DGKI: variants seen among roughly 807,000 people sequenced by gnomAD.
DGKI encodes diacylglycerol kinase iota.
A neutral mutation model predicts 147.5 loss-of-function variants in DGKI; 55 were observed. That is an observed-to-expected ratio of 0.37 (90% CI 0.30 to 0.47). The LOEUF (loss-of-function observed/expected upper bound fraction) is 0.47, where lower values mean the gene tolerates loss of function less well. Among genes scored for constraint, DGKI ranks in the 20% least tolerant of loss-of-function variants. The pLI, the probability that DGKI is intolerant of heterozygous loss-of-function variation, is 1.00. For synonymous variants in DGKI, 469 were observed against 477.1 expected (o/e 0.98, Z 0.22); for missense variants, 1,007 against 1,323.8 (o/e 0.76, Z 3.71).
chr7:137,788,659 CACACAT>C (rs1274991540), intron 1 of DGKI, among the ~76,000 whole-genome samples: 1,021 of 62,798 alleles, frequency 0.016, 37 homozygotes, highest in Admixed American at 0.1. Context: ...CACACACACA[CACACAT>C]ACACACACAC....
chr7:137,673,781 C>T (rs1256572428), intron 3 of DGKI, among the ~76,000 whole-genome samples: 1 of 152,100 alleles, frequency 6.6e-6, no homozygotes, highest in Non-Finnish European at 1.5e-5. Flanking sequence ...AGTAGGTGCA[C>T]GATGGTATGG....
chr7:137,401,737 G>C (rs1351445172), intron 30 of DGKI, among the ~76,000 whole-genome samples: 6 of 152,020 alleles, frequency 3.9e-5, no homozygotes, highest in African/African-American at 1.4e-4. Flanking sequence ...TCTCTTCCAG[G>C]GTTTACTGAA....
chr7:137,719,131 T>C (rs906243217), intron 1 of DGKI, among the ~76,000 whole-genome samples: 1 of 152,110 alleles, frequency 6.6e-6, no homozygotes, highest in African/African-American at 2.4e-5. Flanking sequence ...TGTCCTAAAA[T>C]GTTTCACAGT....
At chr7:137,801,104 C>T (rs1243584609) in intron 1 of DGKI, among the ~76,000 whole-genome samples, 2 of 152,218 alleles carry the variant, frequency 1.3e-5, no homozygotes, top group African/African-American at 2.4e-5. Context: ...TCTATACTGT[C>T]TAATACAATC....
In DGKI at chr7:137,674,734, C is replaced by A. The variant is rs1032327949; in HGVS notation, c.606+3823G>T. Among the ~76,000 whole-genome samples, 4 of 152,320 alleles carry A rather than the reference C, an allele frequency of 2.6e-5. No homozygotes were observed. The South Asian group carries it at 8.3e-4, about 32-fold the overall frequency. ...AGTCTGCTCATGTTCCTCTTCCCTG[C>A]CCGAAATGTTCTCCTTCTTCAAAAT... On this transcript the variant is annotated intron_variant, in intron 3 of 32. Coordinates refer to ENST00000614521, the MANE Select transcript of DGKI (RefSeq NM_001321708.2).
intron 1 of DGKI, among the ~76,000 whole-genome samples, chr7:137,819,302 A>G (rs1324932453): frequency 6.9e-6 from 1 of 145,868 alleles, no homozygotes; most frequent in Non-Finnish European, 1.5e-5. Context: ...AGAACTTCAG[A>G]CTACAAGGGA....
chr7:137,670,472 G>A (rs1036946285), intron 3 of DGKI, among the ~76,000 whole-genome samples: 14 of 152,170 alleles, frequency 9.2e-5, no homozygotes, highest in Non-Finnish European at 1.6e-4. Flanking sequence ...ACGATCTCAT[G>A]GAAATGCTGA....
intron 1 of DGKI, among the ~76,000 whole-genome samples, chr7:137,823,877 A>T (rs1797976518): frequency 6.6e-6 from 1 of 152,242 alleles, no homozygotes; most frequent in East Asian, 1.9e-4. Context: ...CCATATGAGA[A>T]TAAGTTTTAA....
chr7:137,440,760 T>A (rs1038553958), intron 28 of DGKI, among the ~76,000 whole-genome samples: 1 of 152,212 alleles, frequency 6.6e-6, no homozygotes, highest in African/African-American at 2.4e-5. Context: ...AAGCACTCAA[T>A]ACAATTTAGC....
chr7:137,588,168 A>C (rs549719784), intron 12 of DGKI, among the ~76,000 whole-genome samples: 1 of 152,318 alleles, frequency 6.6e-6, no homozygotes, highest in African/African-American at 2.4e-5. Flanking sequence ...TTTTGCATCA[A>C]ATTTAGAAAA....
At chr7:137,713,400 C>T (rs1309765172) in intron 1 of DGKI, among the ~76,000 whole-genome samples, 1 of 152,124 alleles carries the variant, frequency 6.6e-6, no homozygotes, top group Non-Finnish European at 1.5e-5. Context: ...TTATCAGATA[C>T]ATTGCTGAAA....
At chr7:137,419,092 C>T (rs574203076) in intron 28 of DGKI, among the ~76,000 whole-genome samples, 133 of 152,296 alleles carry the variant, frequency 8.7e-4, no homozygotes, top group Non-Finnish European at 1.2e-3. Flanking sequence ...TTGCCTCCCC[C>T]CTTCCCCAGG....
intron 1 of DGKI, among the ~76,000 whole-genome samples, chr7:137,744,071 C>T (rs996508776): frequency 6.6e-6 from 1 of 150,726 alleles, no homozygotes. Flanking sequence ...ATATTGAGAC[C>T]CAAAAACCAT....
chr7:137,423,291 G>C (rs375376159), intron 28 of DGKI, among the ~76,000 whole-genome samples: 1 of 152,174 alleles, frequency 6.6e-6, no homozygotes. Flanking sequence ...AGCTTCAGGC[G>C]TTGGCTTTAC....
intron 1 of DGKI, among the ~76,000 whole-genome samples, chr7:137,820,372 A>G (rs1212561274): frequency 6.6e-6 from 1 of 152,202 alleles, no homozygotes; most frequent in Non-Finnish European, 1.5e-5. Context: ...TCATCAGAAC[A>G]TAGTTTCTGA....
intron 23 of DGKI, among the ~76,000 whole-genome samples, chr7:137,472,103 G>T (rs1410451320): frequency 9.3e-6 from 1 of 107,784 alleles, no homozygotes; most frequent in Admixed American, 1.1e-4. Flanking sequence ...ACACATATAT[G>T]TGTATATATA....
intron 23 of DGKI, among the ~76,000 whole-genome samples, chr7:137,483,789 T>G (rs921348762): frequency 4.6e-5 from 7 of 152,182 alleles, no homozygotes; most frequent in African/African-American, 7.2e-5. Flanking sequence ...TTCCTTTTTA[T>G]GGCTGCATAG....
intron 2 of DGKI, among the ~76,000 whole-genome samples, chr7:137,684,719 T>C (rs1385382516): frequency 2.0e-5 from 3 of 152,228 alleles, no homozygotes; most frequent in Non-Finnish European, 4.4e-5. Context: ...TAGTGAGTAG[T>C]TCCTTATGCG....
chr7:137,532,967 T>G (rs1291623715), intron 20 of DGKI, among the ~76,000 whole-genome samples: 2 of 152,118 alleles, frequency 1.3e-5, no homozygotes. Context: ...ATAGCAAGGT[T>G]GAGAAAAAGA....
Sources: allele counts gnomAD v4.1 joint callset (sites outside exome capture counted in the v4.1 genomes callset), GRCh38; gene constraint gnomAD v4.1.1; transcripts MANE v1.5; gene names NCBI Gene and HGNC (gene_info 2026-07-23, HGNC 2026-07-21).